The following MAPK8IP2 variants were observed in gnomAD, a reference collection of about 807,000 sequenced individuals.
The protein encoded by MAPK8IP2 is mitogen-activated protein kinase 8 interacting protein 2.
A neutral mutation model predicts 75.6 loss-of-function variants in MAPK8IP2; 15 were observed. The observed-to-expected ratio is 0.20, with a 90% CI of 0.13 to 0.31. MAPK8IP2 has a LOEUF of 0.31. Among genes scored for constraint, MAPK8IP2 ranks in the 10% least tolerant of loss-of-function variants. The pLI, the probability that MAPK8IP2 is intolerant of heterozygous loss-of-function variation, is 1.00. For synonymous variants in MAPK8IP2, 632 were observed against 554.5 expected, an observed-to-expected ratio of 1.14 and a Z score of -1.96; for missense variants, 1,089 against 1,211.2, an observed-to-expected ratio of 0.90 and a Z score of 1.50.
At position 50,608,292 on chromosome 22, in the gene MAPK8IP2, T is replaced by A. The variant is rs112843842; in HGVS notation, c.2303+1301T>A. 5.9e-4 allele frequency among the ~76,000 whole-genome samples: 67 copies of A among 113,882 alleles called. 1 individual carries two copies. The highest frequency in any genetic ancestry group is 2.4e-3 in the South Asian group (8 of 3,332). The allele number at this position is 113,882 out of a possible 152,430, so 74.7% of individuals were successfully genotyped here. ...CAGCGGGCAGCGATGCAGACCAGAC[T>A]GCGGGGCCAGCTCTGGGGTGGAGAG... On this transcript the variant is annotated intron_variant, in intron 10 of 11. Transcript: ENST00000329492.
chr22:50,601,032 C>T (rs1204628262), intron 1 of MAPK8IP2, 149 bp downstream of exon 1: 1 of 164,074 alleles, frequency 6.1e-6, no homozygotes, highest in Non-Finnish European at 1.3e-5. Context: ...TGAGCCTCGG[C>T]TCGGGCGCCC....
Position 50,610,982 on chromosome 22 carries a change from C to A in MAPK8IP2, c.*203C>A, listed in dbSNP as rs1407745068. On this transcript the variant is annotated 3_prime_UTR_variant, in exon 12 of 12. Transcript: ENST00000329492. The surrounding 1 kb of genome is among the most constrained non-coding windows in gnomAD (Gnocchi z 4.3). ...GCTGCGGGGGAGTGGAGCCCCCGTG[C>A]CCCTGCTTTTCCTCAGATCCGTTCT... is the stretch of plus-strand genomic sequence containing the variant. The A allele has an allele frequency of 1.8e-6, 1 of 551,418 alleles. No homozygotes were observed. Among genetic ancestry groups the A allele is most frequent in the Non-Finnish European group, 3.2e-6 (1 of 308,224 alleles). 34.2% of individuals were successfully genotyped at this position (551,418 alleles called of 1,614,324 possible).
intron 10 of MAPK8IP2, chr22:50,609,761 G>A (rs577688845): frequency 7.7e-6 from 4 of 517,038 alleles, no homozygotes; most frequent in African/African-American, 1.9e-5. Flanking sequence ...GGGGTAGACC[G>A]GAAGAGGGTT....
At chr22:50,601,622 C>T (rs536111274) in intron 1 of MAPK8IP2, among the ~76,000 whole-genome samples, 167 bp from the exon 2 acceptor site, 2 of 152,236 alleles carry the variant, frequency 1.3e-5, no homozygotes, top group South Asian at 2.1e-4. Flanking sequence ...GATCCACAGG[C>T]GAGCAGAGCT....
Position 50,605,439 on chromosome 22 carries a change from T to C in MAPK8IP2, c.1837T>C (p.Phe613Leu). The C allele has an allele frequency of 6.2e-7, 1 of 1,613,594 alleles. No homozygotes were observed. Among genetic ancestry groups the C allele is most frequent in the South Asian group, 1.1e-5 (1 of 91,082 alleles). The change falls in exon 6 of 12, where the codon TTC (phenylalanine) becomes CTC (leucine). Residue 613 changes from phenylalanine (F) to leucine (L), a missense_variant. This residue lies in a region of MAPK8IP2 where 960 missense variants were observed against 1,009.6 expected (regional missense o/e 0.95). Transcript: ENST00000329492. ...EEREQTHRAV[F>L]RFIPRHPDEL... The stretch of plus-strand genomic sequence containing the variant: ...GCGAGAGCAGACTCACCGGGCTGTG[T>C]TCAGGTACGGCCTCCCTCCTTGCTG...
chr22:50,606,827 C>T (rs944313667), intron 9 of MAPK8IP2, 62 bp downstream of exon 9: 29 of 1,592,702 alleles, frequency 1.8e-5, no homozygotes, highest in Admixed American at 8.4e-5. Flanking sequence ...CGGAGTCCGA[C>T]GGGGCCAGGC....
In MAPK8IP2 at chr22:50,603,204, A is replaced by G. The variant is rs375457586; in HGVS notation, c.172-19A>G. On this transcript the variant is annotated intron_variant, in intron 2 of 11. Transcript: ENST00000329492. ...TGCTGCCCTCTGGCCCAGCCCTGCT[A>G]TCTCCCTCCGTCCTGCAGGACAGCC... The G allele has an allele frequency of 1.2e-6, 2 of 1,611,570 alleles. No homozygotes were observed. Among genetic ancestry groups the G allele is most frequent in the South Asian group, 2.2e-5 (2 of 90,874 alleles).
In MAPK8IP2 at chr22:50,612,220, T is replaced by A. The variant is rs532333206; in HGVS notation, c.*1441T>A. 3 of 152,238 alleles carry A rather than the reference T, an allele frequency of 2.0e-5. No homozygotes were observed. The East Asian group carries it at 5.8e-4, about 30-fold the overall frequency. The allele number at this position is 152,238 out of a possible 1,614,324, so 9.4% of individuals were successfully genotyped here. A position where few individuals can be genotyped will look rare whatever the true frequency, so the allele number is the denominator to read the frequency against. ...CTACTTAGATCTTAAAATGGATATT[T>A]AAAAAATTCTCCAGAGAAAGCCAGA... On this transcript the variant is annotated 3_prime_UTR_variant, in exon 12 of 12. Transcript: ENST00000329492.
intron 10 of MAPK8IP2, chr22:50,609,718 G>T (rs1603444454): frequency 2.0e-6 from 1 of 508,426 alleles, no homozygotes; most frequent in East Asian, 5.6e-5. Flanking sequence ...CATGAGCGAG[G>T]CCCCGCAAGG....
At chr22:50,606,054 T>A in intron 8 of MAPK8IP2, 120 bp downstream of exon 8, 2 of 845,556 alleles carry the variant, frequency 2.4e-6, no homozygotes, top group Non-Finnish European at 3.6e-6. Context: ...CCAGGGAGGG[T>A]CTGGGGGATG....
rs950854900 is a variant in MAPK8IP2 at position 50,610,303 on chromosome 22, A to G, written c.2395A>G (p.Ser799Gly). ...GGAGTCCATGAGGCCGGTGGCGCAG[A>G]GTGTGGGGTGAGTGGGGCCCCAGGG... The part of the protein sequence containing the change: ...SQESMRPVAQ[S>G]VGRAFLEYYQ... The change falls in exon 11 of 12, where the codon AGT becomes GGT. Residue 799 changes from serine to glycine, a missense_variant. By Grantham distance (56) the Ser-to-Gly change is moderately conservative. Coordinates refer to ENST00000329492, the MANE Select transcript of MAPK8IP2 (RefSeq NM_012324.6). This position sits in a 1 kb window ranked among gnomAD's most constrained non-coding sequence, Gnocchi z 4.3. 1 of 1,602,136 alleles carries G rather than the reference A, an allele frequency of 6.2e-7. No individual in the cohort carries two copies. Among genetic ancestry groups the G allele is most frequent in the Non-Finnish European group, 8.5e-7 (1 of 1,174,572 alleles).
At chr22:50,600,968 C>G in intron 1 of MAPK8IP2, 85 bp downstream of exon 1, 1 of 406,348 alleles carries the variant, frequency 2.5e-6, no homozygotes, top group Non-Finnish European at 3.4e-6. Flanking sequence ...CCCCCGTCCC[C>G]GCCGCCCCAG....
At chr22:50,608,278 G>A (rs573208978) in intron 10 of MAPK8IP2, among the ~76,000 whole-genome samples, 9 of 151,770 alleles carry the variant, frequency 5.9e-5, no homozygotes, top group East Asian at 1.9e-4. Flanking sequence ...AGCGGGCAGC[G>A]ATGCAGACCA....
In MAPK8IP2 at chr22:50,605,384, C is replaced by G; in HGVS notation, c.1782C>G (p.Gly594=). Residue 594 remains glycine, a synonymous_variant, in exon 6 of 12, where the codon GGC becomes GGG. Transcript: ENST00000329492. ...GTCTCCCAGGCACCGAGTCCTTTGG[C>G]CTTTTCTCCTGTCTGGTCAACGGCG... ...TSRSSSTESF[G]LFSCLVNGEE... 1 of 1,613,596 alleles carries G rather than the reference C, an allele frequency of 6.2e-7. No individual in the cohort carries two copies. Among genetic ancestry groups the G allele is most frequent in the Non-Finnish European group, 8.5e-7 (1 of 1,179,842 alleles).
chr22:50,602,847 G>C (rs2070960025), intron 2 of MAPK8IP2, among the ~76,000 whole-genome samples: 1 of 152,210 alleles, frequency 6.6e-6, no homozygotes, highest in African/African-American at 2.4e-5. Context: ...ACATGACCCT[G>C]CCCTGGTGGG....
rs1272581418 is a variant in MAPK8IP2 at position 50,604,036 on chromosome 22, G to T, written c.737G>T (p.Ser246Ile). ...GGCGGCCGCGGGGGACGTCGCAGCAGCCAGGAGCTGTCCTCGCCCGGCTCC... is the reference window on the plus strand; with the variant it reads ...GGCGGCCGCGGGGGACGTCGCAGCATCCAGGAGCTGTCCTCGCCCGGCTCC... ...SSGGRGGRRS[S>I]QELSSPGSDS... is the part of the protein sequence containing the mutation. The change falls in exon 5 of 12, where the codon AGC becomes ATC. Residue 246 changes from serine to isoleucine, a missense_variant. Ser to Ile is a moderately radical substitution (Grantham distance 142, BLOSUM62 -2). Coordinates refer to ENST00000329492, the MANE Select transcript of MAPK8IP2 (RefSeq NM_012324.6). 2.6e-5 allele frequency: 41 copies of T among 1,549,026 alleles called. No individual in the cohort carries two copies. The highest frequency in any genetic ancestry group is 3.3e-5 in the Non-Finnish European group (38 of 1,155,486).
chr22:50,609,290 T>C (rs1466620204), intron 10 of MAPK8IP2, among the ~76,000 whole-genome samples: 1 of 152,116 alleles, frequency 6.6e-6, no homozygotes, highest in Non-Finnish European at 1.5e-5. Context: ...TGCCTGTGTG[T>C]CCTGGGCAAG....
At chr22:50,602,015 A>T in intron 2 of MAPK8IP2, 121 bp downstream of exon 2, 1 of 734,864 alleles carries the variant, frequency 1.4e-6, no homozygotes, top group Middle Eastern at 2.7e-4. Context: ...GACTCCTCTG[A>T]TGGCTCCTCC....
At position 50,607,458 on chromosome 22, in the gene MAPK8IP2, T is replaced by C. The variant is rs2071071029; in HGVS notation, c.2303+467T>C. On this transcript the variant is annotated intron_variant, in intron 10 of 11. Transcript: ENST00000329492. The surrounding 1 kb of genome is among the most constrained non-coding windows in gnomAD (Gnocchi z 5.6). ...GGGAAGACCTGGACCCTTTTGATTA[T>C]GCCAAGGAGCTGTACTTAATCTTGC... Among the ~76,000 whole-genome samples, 1 of 151,966 alleles carries C rather than the reference T, an allele frequency of 6.6e-6. No individual in the cohort carries two copies. Among genetic ancestry groups the C allele is most frequent in the Non-Finnish European group, 1.5e-5 (1 of 67,974 alleles).
Sources: gnomAD v4.1 joint callset for allele counts (sites outside exome capture counted in the v4.1 genomes callset) on GRCh38, gnomAD v4.1.1 for gene constraint, gnomAD v4.1.1 regional missense constraint, Gnocchi (gnomAD v3.1) non-coding constraint, MANE v1.5 for transcripts, NCBI Gene and HGNC (gene_info 2026-07-23, HGNC 2026-07-21) for gene names.